Variants in NAV2 observed in about 807,000 individuals in gnomAD.
NAV2 encodes neuron navigator 2.
Under a neutral mutation model 223.2 loss-of-function variants are expected in NAV2, and 54 were observed. That is an observed-to-expected ratio of 0.24 (90% confidence interval 0.19 to 0.30). The LOEUF is 0.30. Among genes scored for constraint, NAV2 ranks in the 10% least tolerant of loss-of-function variants. The probability of loss-of-function intolerance (pLI) is 1.00; values close to 1 mark genes in which losing one functional copy is unlikely to be tolerated. For synonymous variants in NAV2, 1,279 were observed against 1,239.3 expected, an observed-to-expected ratio of 1.03 and a Z score of -0.67; for missense variants, 2,806 against 3,147.5, an observed-to-expected ratio of 0.89 and a Z score of 2.60.
At chr11:19,825,330 A>G (rs144043051) in intron 1 of NAV2, among the ~76,000 whole-genome samples, 1,473 of 143,760 alleles carry the variant, frequency 0.01, 11 homozygotes, top group Non-Finnish European at 0.017. Context: ...AAGGCATTAT[A>G]TGATGACATT....
At chr11:19,719,014 C>A (rs1180550546) in intron 1 of NAV2, among the ~76,000 whole-genome samples, 1 of 152,094 alleles carries the variant, frequency 6.6e-6, no homozygotes, top group African/African-American at 2.4e-5. Flanking sequence ...TCCTCTGTGA[C>A]CAAGATCTGA....
chr11:20,013,453 T>C (rs2053741685), intron 11 of NAV2, among the ~76,000 whole-genome samples: 3 of 142,066 alleles, frequency 2.1e-5, no homozygotes, highest in Non-Finnish European at 4.5e-5. Context: ...ATACCTAGAA[T>C]GAGTTGGGCT....
rs528090480 is a variant in NAV2 at position 19,699,095 on chromosome 11, C to T, written c.76-133389C>T. ...TCTGTGGCCCACAGTGAATCAGTAA[C>T]ACTGTTGCTGAAATCTTCAGCAAAC... is the stretch of plus-strand genomic sequence containing the variant. On this transcript the variant is annotated intron_variant, in intron 1 of 37. Transcript: ENST00000360655. 8.5e-5 allele frequency among the ~76,000 whole-genome samples: 13 copies of T among 152,340 alleles called. No homozygotes were observed. In the East Asian group the frequency reaches 2.3e-3, roughly 27 times the overall value.
At chr11:20,113,838 A>G (rs892148611) in intron 36 of NAV2, among the ~76,000 whole-genome samples, 5 of 151,588 alleles carry the variant, frequency 3.3e-5, no homozygotes, top group Non-Finnish European at 4.4e-5. Context: ...GAGAGATCCC[A>G]TCTCTTAAAA....
At chr11:19,920,179 A>T (rs963946017) in intron 6 of NAV2, among the ~76,000 whole-genome samples, 1 of 152,218 alleles carries the variant, frequency 6.6e-6, no homozygotes, top group African/African-American at 2.4e-5. Flanking sequence ...TTCTTACTCT[A>T]CCACTTATTA....
intron 12 of NAV2, 120 bp downstream of exon 12, chr11:20,036,217 C>T: frequency 1.7e-6 from 2 of 1,168,698 alleles, no homozygotes; most frequent in Non-Finnish European, 2.4e-6. Flanking sequence ...GAGATGAGGC[C>T]CAGCCTCCTG....
Position 19,984,164 on chromosome 11 carries a change from C to T in NAV2, c.2685C>T (p.Arg895=), listed in dbSNP as rs746865128. 3 of 1,614,182 alleles carry T rather than the reference C, an allele frequency of 1.9e-6. No homozygotes were observed. Among genetic ancestry groups the T allele is most frequent in the South Asian group, 1.1e-5 (1 of 91,080 alleles). The part of the protein sequence containing the change: ...TDGGLGLYTR[R]LNRLPDGMAV... ...GTGGACTTGGCCTCTATACCCGTCG[C>T]CTGAACCGGCTCCCTGATGGGATGG... Residue 895 remains arginine (R), a synonymous_variant, in exon 11 of 38, where the codon CGC becomes CGT. Transcript: ENST00000349880.
rs560321957 is a variant in NAV2, at chr11:19,762,243, AAAAC to A, written c.267+48293_267+48296del. Among the ~76,000 whole-genome samples, 35 of 152,344 alleles carry A rather than the reference AAAAC, an allele frequency of 2.3e-4. No homozygotes were observed. In the South Asian group the frequency reaches 6.6e-3, roughly 29 times the overall value. ...GGGCAACAGAGTGAGATTCCATCTC[AAAAC>A]AAACAAACAAAACAAACCCTCAAAT... On this transcript the variant is annotated intron_variant, in intron 1 of 37. Coordinates refer to ENST00000349880, the MANE Select transcript of NAV2 (RefSeq NM_145117.5).
At position 19,557,677 on chromosome 11, in the gene NAV2, G is replaced by C. The variant is rs377541282; in HGVS notation, c.75+206650G>C. 1.5e-3 allele frequency among the ~76,000 whole-genome samples: 224 copies of C among 152,334 alleles called. 3 individuals are homozygous for C. The highest frequency in any genetic ancestry group is 5.6e-3 in the South Asian group (27 of 4,814). ...CAGGTGGGATGCTTCCCTATAAGCAGTGAACGCGAAAAGCCTTGGCTAAAA... is the reference window on the plus strand; with the variant it reads ...CAGGTGGGATGCTTCCCTATAAGCACTGAACGCGAAAAGCCTTGGCTAAAA... On this transcript the variant is annotated intron_variant, in intron 1 of 37. Transcript: ENST00000360655.
chr11:20,118,054 G>C, intron 37 of NAV2, 79 bp from the exon 38 acceptor site: 1 of 1,545,902 alleles, frequency 6.5e-7, no homozygotes, highest in Non-Finnish European at 8.8e-7. Context: ...TCTGGAGGAG[G>C]TGGCATGACC....
At chr11:19,385,817 A>G (rs187813303) in intron 1 of NAV2, among the ~76,000 whole-genome samples, 3,242 of 138,884 alleles carry the variant, frequency 0.023, 69 homozygotes, top group Admixed American at 0.069. Flanking sequence ...GCTGGAGTGC[A>G]TTGGCACGAT....
At chr11:19,910,368 A>C (rs1334203316) in intron 6 of NAV2, among the ~76,000 whole-genome samples, 1 of 152,204 alleles carries the variant, frequency 6.6e-6, no homozygotes, top group Non-Finnish European at 1.5e-5. Flanking sequence ...ATGCCAGATG[A>C]GTGGTCCAGG....
intron 10 of NAV2, among the ~76,000 whole-genome samples, chr11:19,961,340 C>T (rs1386449603): frequency 6.6e-6 from 1 of 152,086 alleles, no homozygotes; most frequent in Non-Finnish European, 1.5e-5. Flanking sequence ...CAGAGTGGCT[C>T]AACAGATTTA....
At chr11:19,990,508 C>T (rs2584846) in intron 11 of NAV2, among the ~76,000 whole-genome samples, 16,510 of 152,032 alleles carry the variant, frequency 0.11, 1,565 homozygotes, top group East Asian at 0.5. Context: ...AGAAGGGCAC[C>T]CTAAAATACC....
At chr11:19,423,520 G>T (rs540354402) in intron 1 of NAV2, among the ~76,000 whole-genome samples, 2 of 152,324 alleles carry the variant, frequency 1.3e-5, no homozygotes, top group South Asian at 4.1e-4. Flanking sequence ...CAAACTGCTG[G>T]ACTGAAACTT....
intron 10 of NAV2, among the ~76,000 whole-genome samples, chr11:19,973,293 G>A (rs970647777): frequency 6.6e-5 from 10 of 152,076 alleles, no homozygotes; most frequent in African/African-American, 2.4e-4. Context: ...CTTCCAAAGG[G>A]AACATACAAT....
Position 20,004,655 on chromosome 11 carries a change from G to A in NAV2, c.2768+20408G>A, listed in dbSNP as rs187671419. On this transcript the variant is annotated intron_variant, in intron 11 of 37. Transcript: ENST00000349880. Reference sequence around the variant, plus strand: ...CTCCCAGTGCCTTAGTGTAACTTAAGGGGGTGCTGAAAGAAGATAGCACCT... The same window carrying A: ...CTCCCAGTGCCTTAGTGTAACTTAAAGGGGTGCTGAAAGAAGATAGCACCT... Among the ~76,000 whole-genome samples, 741 of 152,286 alleles carry A rather than the reference G, an allele frequency of 4.9e-3. 3 individuals are homozygous for A. Among genetic ancestry groups the A allele is most frequent in the African/African-American group, 0.017 (716 of 41,560 alleles).
chr11:19,823,922 A>AT (rs1333102722), intron 1 of NAV2, among the ~76,000 whole-genome samples: 2 of 152,170 alleles, frequency 1.3e-5, no homozygotes, highest in Non-Finnish European at 2.9e-5. Context: ...ATTAAAAAAA[A>AT]GACAAGAAAA....
At chr11:20,087,865 C>G (rs2060557910) in intron 26 of NAV2, among the ~76,000 whole-genome samples, 1 of 152,106 alleles carries the variant, frequency 6.6e-6, no homozygotes, top group African/African-American at 2.4e-5. Context: ...ATTACAGTAC[C>G]TCTTCATGGA....
Sources: gnomAD v4.1 joint callset for allele counts (sites outside exome capture counted in the v4.1 genomes callset) on GRCh38, gnomAD v4.1.1 for gene constraint, MANE v1.5 for transcripts, NCBI Gene and HGNC (gene_info 2026-07-23, HGNC 2026-07-21) for gene names.